Variants in PDE4D observed in about 807,000 individuals in gnomAD.
The protein encoded by PDE4D is phosphodiesterase 4D.
A neutral mutation model predicts 87.4 loss-of-function variants in PDE4D; 24 were observed. The observed-to-expected ratio is 0.27, with a 90% confidence interval of 0.20 to 0.39. The LOEUF (loss-of-function observed/expected upper bound fraction) is 0.39, where lower values mean the gene tolerates loss of function less well. Among genes scored for constraint, PDE4D ranks in the 10% least tolerant of loss-of-function variants. The pLI is 1.00. For synonymous variants in PDE4D, 384 were observed against 383.2 expected, an observed-to-expected ratio of 1.00 and a Z score of -0.02; for missense variants, 714 against 1,041.0, an observed-to-expected ratio of 0.69 and a Z score of 4.32.
In PDE4D at chr5:60,185,676, C is replaced by T. The variant is rs143510155; in HGVS notation, c.-78G>A. 6.0e-3 allele frequency: 5,039 copies of T among 835,116 alleles called. 19 individuals are homozygous for T. The highest frequency in any genetic ancestry group is 9.3e-3 in the South Asian group (583 of 63,016). The allele number at this position is 835,116 out of a possible 1,614,324, so 51.7% of individuals were successfully genotyped here. A position where few individuals can be genotyped will look rare whatever the true frequency, so the allele number is the denominator to read the frequency against. ...CTCACTGCACGTATCCACTCAAAAGCCAACTGGAATGCTGAAAAGAAAAGG... is the reference window on the plus strand; with the variant it reads ...CTCACTGCACGTATCCACTCAAAAGTCAACTGGAATGCTGAAAAGAAAAGG... On this transcript the variant is annotated 5_prime_UTR_variant, in exon 2 of 17. Transcript: ENST00000502484.
intron 1 of PDE4D, among the ~76,000 whole-genome samples, chr5:60,478,231 A>G (rs1441666812): frequency 1.3e-5 from 2 of 152,232 alleles, no homozygotes; most frequent in African/African-American, 4.8e-5. Context: ...AAACATTTGA[A>G]AACAAGTTTA....
chr5:59,059,746 A>G (rs753705124), intron 5 of PDE4D, among the ~76,000 whole-genome samples: 9 of 152,162 alleles, frequency 5.9e-5, no homozygotes, highest in Non-Finnish European at 1.5e-5. Flanking sequence ...ACTTTCCTGA[A>G]CACCATGGCT....
At chr5:59,724,919 A>G (rs1756379388) in intron 1 of PDE4D, among the ~76,000 whole-genome samples, 1 of 152,178 alleles carries the variant, frequency 6.6e-6, no homozygotes, top group Non-Finnish European at 1.5e-5. Context: ...TAAGTCAAAC[A>G]TACTTTCATT....
At chr5:59,712,102 C>G (rs975574406) in intron 1 of PDE4D, among the ~76,000 whole-genome samples, 1 of 151,978 alleles carries the variant, frequency 6.6e-6, no homozygotes, top group Non-Finnish European at 1.5e-5. Context: ...AATATTTATA[C>G]AAACTGATGC....
intron 1 of PDE4D, among the ~76,000 whole-genome samples, chr5:60,300,300 CTT>C (rs1466517456): frequency 6.6e-6 from 1 of 152,132 alleles, no homozygotes; most frequent in Non-Finnish European, 1.5e-5. Flanking sequence ...GGATACTAGA[CTT>C]TTGTCAGATG....
At chr5:59,539,529 A>G (rs1035659033) in intron 1 of PDE4D, among the ~76,000 whole-genome samples, 2 of 152,194 alleles carry the variant, frequency 1.3e-5, no homozygotes, top group Admixed American at 6.5e-5. Flanking sequence ...AAATGAAATT[A>G]CTTCTCTACA....
intron 6 of PDE4D, among the ~76,000 whole-genome samples, chr5:59,029,654 C>T (rs1756966198): frequency 1.3e-5 from 1 of 77,904 alleles, no homozygotes. Context: ...TTCAAAATTC[C>T]AATGTCTTTT....
At chr5:60,151,253 G>C (rs1781475215) in intron 2 of PDE4D, among the ~76,000 whole-genome samples, 1 of 152,110 alleles carries the variant, frequency 6.6e-6, no homozygotes, top group Non-Finnish European at 1.5e-5. Context: ...AAAATGATCT[G>C]CCTGCCTCAG....
intron 1 of PDE4D, among the ~76,000 whole-genome samples, chr5:59,462,452 G>T (rs897716119): frequency 1.3e-4 from 20 of 152,050 alleles, no homozygotes; most frequent in African/African-American, 4.6e-4. Flanking sequence ...TTCCTAAGTA[G>T]CATCTCCAAC....
intron 1 of PDE4D, among the ~76,000 whole-genome samples, chr5:60,378,708 C>T (rs969553312): frequency 2.0e-5 from 3 of 151,888 alleles, no homozygotes; most frequent in Non-Finnish European, 4.4e-5. Flanking sequence ...AAAAATTAGC[C>T]AGGGCATGGT....
At chr5:60,380,196 A>G (rs1480950547) in intron 1 of PDE4D, among the ~76,000 whole-genome samples, 2 of 152,174 alleles carry the variant, frequency 1.3e-5, no homozygotes, top group Admixed American at 6.5e-5. Flanking sequence ...GTCAACACTG[A>G]ACTTTGAGGA....
intron 1 of PDE4D, among the ~76,000 whole-genome samples, chr5:59,562,027 G>A (rs1030847930): frequency 1.3e-5 from 2 of 152,104 alleles, no homozygotes; most frequent in African/African-American, 4.8e-5. Flanking sequence ...CCTTGTGACT[G>A]CTGGCTACTT....
intron 1 of PDE4D, among the ~76,000 whole-genome samples, chr5:59,432,151 C>T (rs972862017): frequency 1.4e-4 from 21 of 152,124 alleles, no homozygotes; most frequent in African/African-American, 4.3e-4. Context: ...AGACAGCAAA[C>T]TTTTTATTTA....
At position 60,143,645 on chromosome 5, in the gene PDE4D, G is replaced by A. The variant is rs1011423146; in HGVS notation, c.42+41912C>T. The stretch of plus-strand genomic sequence containing the variant: ...TGTGTGTGTGTGTGTGTGTGTGTGT[G>A]TGTGTATGTGTGTGTGTTTTGGGGA... On this transcript the variant is annotated intron_variant, in intron 2 of 16. Coordinates refer to the PDE4D transcript ENST00000502484. Among the ~76,000 whole-genome samples the A allele has an allele frequency of 4.0e-5, 5 of 125,900 alleles. No individual in the cohort carries two copies. The South Asian group carries it at 1.1e-3, about 27-fold the overall frequency. The allele number at this position is 125,900 out of a possible 152,430, so 82.6% of individuals were successfully genotyped here.
intron 1 of PDE4D, among the ~76,000 whole-genome samples, chr5:60,224,194 T>C (rs1218449071): frequency 6.6e-6 from 1 of 152,110 alleles, no homozygotes; most frequent in Non-Finnish European, 1.5e-5. Flanking sequence ...ATATAATCTA[T>C]AGCATTGTTC....
At chr5:60,481,220 C>T (rs536432821) in intron 1 of PDE4D, among the ~76,000 whole-genome samples, 1 of 151,890 alleles carries the variant, frequency 6.6e-6, no homozygotes, top group Admixed American at 6.6e-5. Flanking sequence ...CTACTATATC[C>T]AAGATAAAGG....
At chr5:60,191,225 T>C (rs1376636970) in intron 1 of PDE4D, among the ~76,000 whole-genome samples, 1 of 152,126 alleles carries the variant, frequency 6.6e-6, no homozygotes. Context: ...TTTTCAATAA[T>C]TGTTTTATGG....
At chr5:58,981,180 C>T (rs751560380) in intron 11 of PDE4D, among the ~76,000 whole-genome samples, 3 of 152,138 alleles carry the variant, frequency 2.0e-5, no homozygotes, top group Non-Finnish European at 4.4e-5. Context: ...TCTGGGCATC[C>T]CTTAGCCTAG....
intron 5 of PDE4D, among the ~76,000 whole-genome samples, chr5:59,126,413 T>C (rs1480075090): frequency 6.6e-6 from 1 of 152,214 alleles, no homozygotes; most frequent in African/African-American, 2.4e-5. Context: ...TCTCCCTTTA[T>C]TGACTCTATC....
Sources: gnomAD v4.1 joint callset for allele counts (sites outside exome capture counted in the v4.1 genomes callset) on GRCh38, gnomAD v4.1.1 for gene constraint, MANE v1.5 for transcripts, NCBI Gene and HGNC (gene_info 2026-07-23, HGNC 2026-07-21) for gene names.